Variants in ERICH1 observed in about 807,000 individuals in gnomAD.
ERICH1 encodes glutamate rich 1.
ERICH1 carries 56 observed loss-of-function variants against 39.6 expected under a neutral mutation model. The ratio of observed to expected loss-of-function variants is 1.41; its 90% CI spans 1.14 to 1.77. ERICH1 has a LOEUF of 1.77. Ranked by LOEUF, ERICH1 falls within the 40% of genes most tolerant of loss-of-function variation. ERICH1 has a pLI of 0.00. For synonymous variants in ERICH1, 313 were observed against 223.6 expected (o/e 1.40, Z -3.57); for missense variants, 826 against 575.4 (o/e 1.44, Z -4.45).
chr8:616,331 G>GA, intron 3 of ERICH1: 1 of 340,324 alleles, frequency 2.9e-6, no homozygotes, highest in South Asian at 2.2e-5. Flanking sequence ...CGCGTTAACT[G>GA]AAAGTTGCTG....
chr8:674,084 A>C lies in ERICH1; in HGVS notation c.305-37T>G, dbSNP rs771890830. 10 of 1,503,758 alleles carry C rather than the reference A, an allele frequency of 6.7e-6. No homozygotes were observed. In the African/African-American group the frequency reaches 8.4e-5, roughly 13 times the overall value. The allele number at this position is 1,503,758 out of a possible 1,614,324, so 93.2% of individuals were successfully genotyped here. A position where few individuals can be genotyped will look rare whatever the true frequency, so the allele number is the denominator to read the frequency against. On this transcript the variant is annotated intron_variant, in intron 3 of 5. Transcript: ENST00000262109. ...ATTCAAATATAACAATTTTCAGTACAATGAAACCATAACAAACATATTAGG... is the reference window on the plus strand; with the variant it reads ...ATTCAAATATAACAATTTTCAGTACCATGAAACCATAACAAACATATTAGG...
intron 3 of ERICH1, among the ~76,000 whole-genome samples, chr8:643,757 C>A (rs1245203984): frequency 2.6e-5 from 4 of 152,090 alleles, no homozygotes; most frequent in African/African-American, 9.7e-5. Context: ...CTCCTCAGGG[C>A]TTCTGGAAGG....
chr8:665,026 A>G (rs916676355), intron 5 of ERICH1, among the ~76,000 whole-genome samples: 2 of 152,242 alleles, frequency 1.3e-5, no homozygotes, highest in African/African-American at 4.8e-5. Context: ...ACCGAAATGA[A>G]AATGAAATAG....
intron 3 of ERICH1, among the ~76,000 whole-genome samples, chr8:616,783 G>GAGA (rs375193870): frequency 4.5e-5 from 5 of 111,372 alleles, no homozygotes; most frequent in East Asian, 6.1e-4. Flanking sequence ...AGAGGGAGAG[G>GAGA]GAGAGAGATG....
intron 2 of ERICH1, among the ~76,000 whole-genome samples, chr8:707,186 G>A (rs1020656844): frequency 9.3e-5 from 14 of 149,944 alleles, no homozygotes; most frequent in East Asian, 8.1e-4. Context: ...CCACATCTGT[G>A]GCCAACTGAT....
chr8:700,516 GCGCACAGGCC>G lies in ERICH1; in HGVS notation c.170-7914_170-7905del, dbSNP rs1203643608. Among the ~76,000 whole-genome samples, 12 of 130,318 alleles carry G rather than the reference GCGCACAGGCC, an allele frequency of 9.2e-5. 1 individual carries two copies. The East Asian group carries it at 1.5e-3, about 16-fold the overall frequency. The allele number at this position is 130,318 out of a possible 152,430, so 85.5% of individuals were successfully genotyped here. ...CGCACACGCGCACAGGCCCGCACAG[GCGCACAGGCC>G]CGCACAGGCGCACAGGCCCGCACAC... is the stretch of plus-strand genomic sequence containing the variant. On this transcript the variant is annotated intron_variant, in intron 2 of 5. Transcript: ENST00000262109.
intron 3 of ERICH1, chr8:615,843 A>T (rs1796875269): frequency 6.6e-6 from 1 of 152,338 alleles, no homozygotes; most frequent in Non-Finnish European, 1.5e-5. Context: ...ACTTGTTACA[A>T]ATTTACAACC....
At chr8:635,423 G>C (rs530081061) in intron 3 of ERICH1, among the ~76,000 whole-genome samples, 1 of 152,284 alleles carries the variant, frequency 6.6e-6, no homozygotes, top group African/African-American at 2.4e-5. Context: ...TAACAATAGT[G>C]ACAGCTAAGG....
At chr8:629,926 G>A (rs1185929859) in intron 3 of ERICH1, among the ~76,000 whole-genome samples, 3 of 114,972 alleles carry the variant, frequency 2.6e-5, no homozygotes, top group Middle Eastern at 8.1e-3. Context: ...ACACCCTCCC[G>A]TGACCACCCA....
At position 726,733 on chromosome 8, in the gene ERICH1, CAG is replaced by C. The variant is rs201440182; in HGVS notation, c.22+4405_22+4406del. ...ACACACACAGGCACACACAGGCAAA[CAG>C]ATATGCATGTACACGCACACCACAC... On this transcript the variant is annotated intron_variant, in intron 1 of 5. Transcript: ENST00000262109. 8.0e-3 allele frequency among the ~76,000 whole-genome samples: 1,211 copies of C among 151,846 alleles called. 13 individuals carry two copies. Among genetic ancestry groups the C allele is most frequent in the Middle Eastern group, 0.014 (4 of 290 alleles).
intron 3 of ERICH1, among the ~76,000 whole-genome samples, chr8:677,755 G>C (rs986625497): frequency 8.5e-5 from 13 of 152,172 alleles, no homozygotes; most frequent in African/African-American, 3.1e-4. Flanking sequence ...CATGAATTTG[G>C]AGATAAGTAA....
intron 3 of ERICH1, among the ~76,000 whole-genome samples, chr8:621,370 C>T (rs897013255): frequency 6.6e-6 from 1 of 152,036 alleles, no homozygotes; most frequent in African/African-American, 2.4e-5. Flanking sequence ...AAATTTCTCA[C>T]AACAAAAGAT....
chr8:675,117 T>TCGGCGAGGACAGAGACGC lies in ERICH1; in HGVS notation c.305-1071_305-1070insGCGTCTCTGTCCTCGCCG, dbSNP rs1563233016. 6.0e-4 allele frequency among the ~76,000 whole-genome samples: 35 copies of TCGGCGAGGACAGAGACGC among 58,330 alleles called. 10 individuals carry two copies. Among genetic ancestry groups the TCGGCGAGGACAGAGACGC allele is most frequent in the Middle Eastern group, 0.016 (2 of 124 alleles). 38.3% of individuals were successfully genotyped at this position (58,330 alleles called of 152,430 possible). A position where few individuals can be genotyped will look rare whatever the true frequency, so the allele number is the denominator to read the frequency against. Reference sequence around the variant, plus strand: ...CAACACCTCAGTGAGGACAGAGACGTGGCGGCCCCTCGGCGAGGACAGAGA... The same window carrying TCGGCGAGGACAGAGACGC: ...CAACACCTCAGTGAGGACAGAGACGTCGGCGAGGACAGAGACGCGGCGGCCCCTCGGCGAGGACAGAGA... On this transcript the variant is annotated intron_variant, in intron 3 of 5. Coordinates refer to ENST00000262109, the MANE Select transcript of ERICH1 (RefSeq NM_207332.3).
At chr8:683,916 G>C (rs1254225116) in intron 3 of ERICH1, among the ~76,000 whole-genome samples, 1 of 152,154 alleles carries the variant, frequency 6.6e-6, no homozygotes, top group Non-Finnish European at 1.5e-5. Flanking sequence ...CCCTGAGACA[G>C]ACTTTGATAC....
chr8:674,330 TCTTA>T (rs1369391076), intron 3 of ERICH1, among the ~76,000 whole-genome samples: 14 of 129,194 alleles, frequency 1.1e-4, no homozygotes, highest in African/African-American at 4.1e-4. Context: ...TGACACAGAC[TCTTA>T]CTTTGCTGCA....
Position 668,716 on chromosome 8 carries a change from G to A in ERICH1, c.1140C>T (p.Ser380=), listed in dbSNP as rs566874199. ...EELLDRLASH[S]MLPSDVSILY... The stretch of plus-strand genomic sequence containing the variant: ...GGATGGACACGTCTGAGGGCAGCAT[G>A]CTGTGTGACGCAAGGCGGTCCAGCA... Residue 380 remains serine (S), a synonymous_variant, in exon 5 of 6, where the codon AGC becomes AGT. Coordinates refer to ENST00000262109, the MANE Select transcript of ERICH1 (RefSeq NM_207332.3). 18 of 1,613,884 alleles carry A rather than the reference G, an allele frequency of 1.1e-5. No individual in the cohort carries two copies. The South Asian group carries it at 1.3e-4, about 12-fold the overall frequency.
chr8:626,917 A>G, intron 3 of ERICH1: 1 of 336,532 alleles, frequency 3.0e-6, no homozygotes, highest in Non-Finnish European at 6.0e-6. Context: ...AGAGTAAGGT[A>G]CCTTCCAGGG....
chr8:720,743 G>A (rs753724118), intron 1 of ERICH1, among the ~76,000 whole-genome samples: 18 of 152,334 alleles, frequency 1.2e-4, no homozygotes, highest in Middle Eastern at 3.4e-3. Flanking sequence ...ACTGGTTTAA[G>A]TATCATGAAT....
intron 3 of ERICH1, among the ~76,000 whole-genome samples, chr8:618,007 A>T (rs2117008863): frequency 7.1e-6 from 1 of 141,752 alleles, no homozygotes; most frequent in East Asian, 2.2e-4. Flanking sequence ...AGTGGTCAGT[A>T]CTTGGTGCTT....
Sources: allele counts gnomAD v4.1 joint callset (sites outside exome capture counted in the v4.1 genomes callset), GRCh38; gene constraint gnomAD v4.1.1; transcripts MANE v1.5; gene names NCBI Gene and HGNC (gene_info 2026-07-23, HGNC 2026-07-21).